The following EYS variants were observed in gnomAD, a reference collection of about 807,000 sequenced individuals.
The protein encoded by EYS is EGF-like photoreceptor maintenance factor.
A neutral mutation model predicts 282.1 loss-of-function variants in EYS; 250 were observed. That is an observed-to-expected ratio of 0.89 (90% confidence interval 0.80 to 0.98). The LOEUF (loss-of-function observed/expected upper bound fraction) is 0.98. EYS is among the 50% of genes least tolerant of loss of function. EYS has a pLI of 0.00. For missense variants in EYS, 4,016 were observed against 3,709.0 expected (o/e 1.08, Z -2.15); for synonymous variants, 1,355 against 1,282.9 (o/e 1.06, Z -1.20).
At chr6:64,866,518 C>A (rs533763227) in intron 19 of EYS, among the ~76,000 whole-genome samples, 4 of 151,710 alleles carry the variant, frequency 2.6e-5, no homozygotes, top group Non-Finnish European at 5.9e-5. Flanking sequence ...ATATTTAAAG[C>A]AATAGAATTT....
chr6:64,683,280 T>C (rs538974917), intron 22 of EYS, among the ~76,000 whole-genome samples: 1 of 152,254 alleles, frequency 6.6e-6, no homozygotes, highest in Non-Finnish European at 1.5e-5. Flanking sequence ...CTCATAAATG[T>C]TTTAGCCATT....
intron 30 of EYS, among the ~76,000 whole-genome samples, chr6:64,274,334 C>A (rs944224231): frequency 6.6e-6 from 1 of 152,144 alleles, no homozygotes; most frequent in South Asian, 2.1e-4. Flanking sequence ...GCCACCACGC[C>A]GGGCTAATTT....
At chr6:65,348,670 G>A (rs1770490743) in intron 9 of EYS, among the ~76,000 whole-genome samples, 1 of 151,514 alleles carries the variant, frequency 6.6e-6, no homozygotes, top group Admixed American at 6.6e-5. Flanking sequence ...CATTCTGTGA[G>A]TTTTGTCTTT....
intron 26 of EYS, among the ~76,000 whole-genome samples, chr6:64,466,701 A>G (rs1349373478): frequency 3.3e-5 from 5 of 152,116 alleles, no homozygotes; most frequent in African/African-American, 1.2e-4. Context: ...TAATAACAAT[A>G]TATTAATATA....
intron 31 of EYS, among the ~76,000 whole-genome samples, chr6:64,194,478 T>C (rs2150318350): frequency 6.6e-6 from 1 of 152,310 alleles, no homozygotes; most frequent in Non-Finnish European, 1.5e-5. Flanking sequence ...GTTCTAAATA[T>C]ATTTTTTGTT....
chr6:64,870,166 A>T (rs533790448), intron 19 of EYS, among the ~76,000 whole-genome samples: 1 of 151,712 alleles, frequency 6.6e-6, no homozygotes, highest in South Asian at 2.1e-4. Flanking sequence ...TAACACTGAA[A>T]TTCCACTTTT....
At chr6:64,474,337 A>C (rs1460377283) in intron 26 of EYS, among the ~76,000 whole-genome samples, 1 of 152,206 alleles carries the variant, frequency 6.6e-6, no homozygotes, top group Admixed American at 6.5e-5. Context: ...CATATGTGAT[A>C]CCATGGGGGG....
chr6:64,016,382 G>A (rs73443014), intron 33 of EYS, among the ~76,000 whole-genome samples: 5,153 of 152,186 alleles, frequency 0.034, 103 homozygotes, highest in East Asian at 0.063. Flanking sequence ...TAGGGGTTAA[G>A]TAATTTGCTC....
intron 11 of EYS, chr6:65,331,336 G>A: frequency 1.4e-6 from 1 of 697,264 alleles, no homozygotes; most frequent in Non-Finnish European, 1.8e-6. Context: ...TGAGCTTAGT[G>A]GTATATAGAG....
intron 8 of EYS, among the ~76,000 whole-genome samples, chr6:65,361,507 GTCTC>G (rs922279807): frequency 1.6e-5 from 2 of 126,872 alleles, no homozygotes; most frequent in African/African-American, 6.0e-5. Context: ...TTTGGTCTGT[GTCTC>G]TCTCTATCGC....
In EYS at chr6:64,119,537, C is replaced by A. The variant is rs148454365; in HGVS notation, c.6425-37535G>T. ...TCATTTGCCAAAGAAATATTTAAAC[C>A]TGTTAAATTTGTGAGTAAGGTTTTA... On this transcript the variant is annotated intron_variant, in intron 31 of 42. Coordinates refer to ENST00000503581, the MANE Select transcript of EYS (RefSeq NM_001142800.2). Among the ~76,000 whole-genome samples, 493 of 152,178 alleles carry A rather than the reference C, an allele frequency of 3.2e-3. 2 individuals are homozygous for A. The highest frequency in any genetic ancestry group is 0.011 in the African/African-American group (460 of 41,522).
At position 64,989,394 on chromosome 6, in the gene EYS, A is replaced by AATATATATAT. The variant is rs60684321; in HGVS notation, c.2259+8178_2259+8187dup. ...AAGAGGCTATTTACTGGCTAGCTGT[A>AATATATATAT]ATATATATATATATATATATATGAA... On this transcript the variant is annotated intron_variant, in intron 14 of 42. Transcript: ENST00000503581. 1.4e-3 allele frequency among the ~76,000 whole-genome samples: 100 copies of AATATATATAT among 69,724 alleles called. 17 individuals carry two copies. Among genetic ancestry groups the AATATATATAT allele is most frequent in the African/African-American group, 3.9e-3 (51 of 13,140 alleles). 45.7% of individuals were successfully genotyped at this position (69,724 alleles called of 152,430 possible).
At chr6:65,277,605 A>G (rs1352943080) in intron 12 of EYS, among the ~76,000 whole-genome samples, 1 of 152,142 alleles carries the variant, frequency 6.6e-6, no homozygotes, top group Non-Finnish European at 1.5e-5. Context: ...AACAGTGAAA[A>G]ATAAATTTCT....
Position 63,745,506 on chromosome 6 carries a change from A to C in EYS, c.8071+16955T>G, listed in dbSNP as rs112266975. Among the ~76,000 whole-genome samples, 734 of 152,324 alleles carry C rather than the reference A, an allele frequency of 4.8e-3. 2 individuals carry two copies. Among genetic ancestry groups the C allele is most frequent in the Non-Finnish European group, 8.1e-3 (548 of 68,024 alleles). On this transcript the variant is annotated intron_variant, in intron 41 of 42. Coordinates refer to ENST00000503581, the MANE Select transcript of EYS (RefSeq NM_001142800.2). Reference sequence around the variant, plus strand: ...AGTCAAGGGGACAATGAGATCTTCAATGTGTTGTGAGAAAATAACTGTCAA... The same window carrying C: ...AGTCAAGGGGACAATGAGATCTTCACTGTGTTGTGAGAAAATAACTGTCAA...
intron 5 of EYS, among the ~76,000 whole-genome samples, chr6:65,413,525 T>C (rs994487903): frequency 6.6e-6 from 1 of 152,084 alleles, no homozygotes; most frequent in Admixed American, 6.6e-5. Context: ...ATATCTAAGA[T>C]TTATAGAAAT....
chr6:64,451,590 C>T (rs1206789504), intron 26 of EYS, among the ~76,000 whole-genome samples: 2 of 152,164 alleles, frequency 1.3e-5, no homozygotes, highest in South Asian at 2.1e-4. Context: ...CCTTGACGAA[C>T]ATTGATGCAA....
At chr6:63,798,487 A>G (rs991554258) in intron 37 of EYS, among the ~76,000 whole-genome samples, 1 of 152,342 alleles carries the variant, frequency 6.6e-6, no homozygotes, top group African/African-American at 2.4e-5. Flanking sequence ...AAAATTGAAT[A>G]TAGGCATACA....
chr6:65,422,332 T>G (rs1767497278), intron 5 of EYS, among the ~76,000 whole-genome samples: 1 of 151,918 alleles, frequency 6.6e-6, no homozygotes, highest in Non-Finnish European at 1.5e-5. Context: ...TATTTAATTC[T>G]AGTCCCATGA....
At chr6:64,721,128 G>C (rs1009964171) in intron 22 of EYS, among the ~76,000 whole-genome samples, 1 of 152,078 alleles carries the variant, frequency 6.6e-6, no homozygotes, top group East Asian at 1.9e-4. Flanking sequence ...CCAGAAACAA[G>C]AACAACAGGA....
Sources: gnomAD v4.1 joint callset for allele counts (sites outside exome capture counted in the v4.1 genomes callset) on GRCh38, gnomAD v4.1.1 for gene constraint, MANE v1.5 for transcripts, NCBI Gene and HGNC (gene_info 2026-07-23, HGNC 2026-07-21) for gene names.